Variants in PDE4B observed in about 807,000 individuals in gnomAD.
PDE4B encodes the protein 3',5'-cyclic-AMP phosphodiesterase 4B.
PDE4B carries 20 observed loss-of-function variants against 82.2 expected under a neutral mutation model. That is an observed-to-expected ratio of 0.24 (90% CI 0.17 to 0.35). The LOEUF is 0.35. PDE4B is among the 10% of genes least tolerant of loss of function. The pLI is 1.00. For missense variants in PDE4B, 655 were observed against 907.2 expected (o/e 0.72, Z 3.57); for synonymous variants, 320 against 318.9 (o/e 1.00, Z -0.04).
chr1:66,066,708 T>C (rs1431760377), intron 3 of PDE4B, among the ~76,000 whole-genome samples: 1 of 151,898 alleles, frequency 6.6e-6, no homozygotes, highest in Admixed American at 6.6e-5. Flanking sequence ...GTATCTTATG[T>C]CTCATTCACC....
At chr1:65,947,827 G>T (rs1648789114) in intron 3 of PDE4B, among the ~76,000 whole-genome samples, 1 of 151,690 alleles carries the variant, frequency 6.6e-6, no homozygotes, top group Admixed American at 6.6e-5. Context: ...CTTATTTTTA[G>T]ATTTCTAGCC....
intron 3 of PDE4B, among the ~76,000 whole-genome samples, chr1:66,220,821 G>A (rs1650923774): frequency 1.3e-5 from 2 of 152,130 alleles, no homozygotes; most frequent in Non-Finnish European, 2.9e-5. Context: ...AACAAGAGAA[G>A]TTGAAAATGT....
intron 10 of PDE4B, 37 bp from the exon 11 acceptor site, chr1:66,363,131 T>C: frequency 2.1e-6 from 3 of 1,416,306 alleles, no homozygotes; most frequent in Non-Finnish European, 3.0e-6. Context: ...AGCACAACTT[T>C]CCTTATTCCT....
At chr1:66,108,650 G>A (rs987569018) in intron 3 of PDE4B, among the ~76,000 whole-genome samples, 4 of 149,452 alleles carry the variant, frequency 2.7e-5, no homozygotes, top group African/African-American at 7.4e-5. Flanking sequence ...AAAGACATAC[G>A]AATGGCCAAC....
intron 1 of PDE4B, among the ~76,000 whole-genome samples, chr1:65,862,768 T>A (rs1322384485): frequency 2.0e-5 from 3 of 152,206 alleles, no homozygotes; most frequent in African/African-American, 7.2e-5. Context: ...TTCTTCCTGG[T>A]TTAATCTTGA....
intron 1 of PDE4B, among the ~76,000 whole-genome samples, chr1:65,822,065 C>T (rs772138536): frequency 1.3e-5 from 2 of 152,004 alleles, no homozygotes; most frequent in Non-Finnish European, 2.9e-5. Context: ...TTTATTTTTC[C>T]CTTAGATTTC....
intron 3 of PDE4B, among the ~76,000 whole-genome samples, chr1:66,245,545 G>A (rs556513461): frequency 3.3e-5 from 5 of 152,242 alleles, no homozygotes; most frequent in Admixed American, 1.3e-4. Flanking sequence ...TTTGCAAGTC[G>A]CTTTATTATA....
chr1:66,335,577 A>T (rs1660457347), intron 8 of PDE4B, among the ~76,000 whole-genome samples: 1 of 152,226 alleles, frequency 6.6e-6, no homozygotes, highest in Non-Finnish European at 1.5e-5. Flanking sequence ...TAGCTAAGAA[A>T]CATCGTCCTC....
At chr1:66,294,955 T>C (rs143612526) in intron 7 of PDE4B, among the ~76,000 whole-genome samples, 100 of 152,304 alleles carry the variant, frequency 6.6e-4, no homozygotes, top group Admixed American at 4.3e-3. Context: ...AGAGAACCTT[T>C]CACAGGCCCC....
At chr1:66,178,407 A>G (rs1570406642) in intron 3 of PDE4B, among the ~76,000 whole-genome samples, 1 of 152,166 alleles carries the variant, frequency 6.6e-6, no homozygotes, top group East Asian at 1.9e-4. Flanking sequence ...GTTCCGTGTT[A>G]TTCTAAAACT....
At chr1:65,914,470 CT>C (rs34161281) in intron 2 of PDE4B, among the ~76,000 whole-genome samples, 45 of 145,058 alleles carry the variant, frequency 3.1e-4, no homozygotes, top group African/African-American at 6.8e-4. Flanking sequence ...TCTTCTTCTT[CT>C]TTTTTTTTTT....
chr1:66,097,159 T>C (rs1645134741), intron 3 of PDE4B, among the ~76,000 whole-genome samples: 1 of 152,046 alleles, frequency 6.6e-6, no homozygotes, highest in Non-Finnish European at 1.5e-5. Context: ...TACGTTCAAC[T>C]TTAGAAGAAA....
At chr1:65,874,841 C>T (rs1347104652) in intron 1 of PDE4B, among the ~76,000 whole-genome samples, 3 of 152,042 alleles carry the variant, frequency 2.0e-5, no homozygotes, top group Admixed American at 1.3e-4. Context: ...ACCATAAAAA[C>T]CCTAGAAGAA....
At chr1:66,021,073 T>A (rs1410456110) in intron 3 of PDE4B, among the ~76,000 whole-genome samples, 1 of 152,238 alleles carries the variant, frequency 6.6e-6, no homozygotes, top group Non-Finnish European at 1.5e-5. Context: ...CCAGTGATGT[T>A]GAGCATTTTT....
intron 3 of PDE4B, among the ~76,000 whole-genome samples, chr1:66,234,889 G>A (rs988683411): frequency 1.3e-5 from 2 of 151,874 alleles, no homozygotes; most frequent in African/African-American, 4.8e-5. Context: ...TTTAATAAAG[G>A]TATTTTAGAG....
chr1:66,267,452 T>A (rs1476977444), intron 7 of PDE4B: 10 of 152,264 alleles, frequency 6.6e-5, no homozygotes, highest in Non-Finnish European at 1.5e-5. Context: ...CAAATTTACA[T>A]CAATTTGATT....
At position 66,372,897 on chromosome 1, in the gene PDE4B, C is replaced by T; in HGVS notation, c.*219C>T. On this transcript the variant is annotated 3_prime_UTR_variant, in exon 17 of 17. Transcript: ENST00000341517. ...TTGATGGCAAGCTTGGTGGAGAGGG[C>T]TGAAGCTGTTGCTGGGGGCCGATTC... 1.9e-6 allele frequency: 1 copy of T among 527,024 alleles called. No homozygotes were observed. Among genetic ancestry groups the T allele is most frequent in the Non-Finnish European group, 3.4e-6 (1 of 295,268 alleles). The allele number at this position is 527,024 out of a possible 1,614,324, so 32.6% of individuals were successfully genotyped here.
chr1:66,105,957 C>T (rs1358898933), intron 3 of PDE4B, among the ~76,000 whole-genome samples: 238 of 152,176 alleles, frequency 1.6e-3, no homozygotes, highest in Middle Eastern at 3.4e-3. Flanking sequence ...ATTGCCCTGG[C>T]CAGCACTTCC....
intron 3 of PDE4B, among the ~76,000 whole-genome samples, chr1:66,229,102 G>A (rs1341844486): frequency 6.6e-6 from 1 of 152,018 alleles, no homozygotes. Context: ...CTGCCTCCTG[G>A]GTTCACGCCA....
Sources: allele counts gnomAD v4.1 joint callset (sites outside exome capture counted in the v4.1 genomes callset), GRCh38; gene constraint gnomAD v4.1.1; transcripts MANE v1.5; gene names NCBI Gene and HGNC (gene_info 2026-07-23, HGNC 2026-07-21).